The following SMOC2 variants were observed in gnomAD, a reference collection of about 807,000 sequenced individuals.
The protein encoded by SMOC2 is SPARC related modular calcium binding 2, also known as SPARC-related modular calcium-binding protein 2.
In SMOC2, 39 loss-of-function variants were observed where a neutral mutation model predicts 61.4. The ratio of observed to expected loss-of-function variants is 0.64; its 90% confidence interval spans 0.49 to 0.83. The LOEUF is 0.83. Among genes scored for constraint, SMOC2 ranks in the 40% least tolerant of loss-of-function variants. SMOC2 has a pLI of 0.00. For missense variants in SMOC2, 556 were observed against 592.9 expected, an observed-to-expected ratio of 0.94 and a Z score of 0.65; for synonymous variants, 247 against 239.9, an observed-to-expected ratio of 1.03 and a Z score of -0.27.
At chr6:168,467,497 A>T (rs1781871313) in intron 1 of SMOC2, among the ~76,000 whole-genome samples, 1 of 151,892 alleles carries the variant, frequency 6.6e-6, no homozygotes, top group Non-Finnish European at 1.5e-5. Flanking sequence ...TTTAGTAGAG[A>T]TGGGGTTTCA....
chr6:168,599,624 C>CCA (rs1178986291), intron 8 of SMOC2, among the ~76,000 whole-genome samples: 1 of 114,556 alleles, frequency 8.7e-6, no homozygotes, highest in African/African-American at 3.5e-5. Context: ...CACACTCATA[C>CCA]CACACACACC....
At chr6:168,500,286 C>CA (rs72258550) in intron 1 of SMOC2, among the ~76,000 whole-genome samples, 142 of 99,116 alleles carry the variant, frequency 1.4e-3, no homozygotes, top group Admixed American at 2.0e-3. Context: ...AACTCTGTCT[C>CA]AAAAAAAAAA....
chr6:168,534,551 C>G (rs1783690484), intron 4 of SMOC2, among the ~76,000 whole-genome samples: 2 of 152,218 alleles, frequency 1.3e-5, no homozygotes, highest in South Asian at 4.1e-4. Flanking sequence ...CTTTCCTCTG[C>G]TTCACTTTTC....
chr6:168,645,949 G>A (rs114490605), intron 9 of SMOC2, among the ~76,000 whole-genome samples: 5,119 of 152,260 alleles, frequency 0.034, 308 homozygotes, highest in African/African-American at 0.12. Flanking sequence ...TGATGATGGC[G>A]TGAATACCTG....
intron 7 of SMOC2, among the ~76,000 whole-genome samples, chr6:168,566,031 C>G (rs1359040421): frequency 1.3e-5 from 2 of 152,036 alleles, no homozygotes; most frequent in Non-Finnish European, 2.9e-5. Context: ...TAGTTATTTT[C>G]AATTGGTGAT....
chr6:168,560,600 CCT>C (rs1410887534), intron 7 of SMOC2, among the ~76,000 whole-genome samples: 3 of 41,034 alleles, frequency 7.3e-5, no homozygotes, highest in African/African-American at 4.0e-4. Context: ...ATTTTCCTGC[CCT>C]GAGACACGAG....
chr6:168,620,264 G>A (rs1286396686), intron 9 of SMOC2, among the ~76,000 whole-genome samples: 1 of 152,084 alleles, frequency 6.6e-6, no homozygotes, highest in Non-Finnish European at 1.5e-5. Flanking sequence ...TACTAAGACT[G>A]CATGGTGCCT....
chr6:168,527,525 A>T (rs889657599), intron 3 of SMOC2, 103 bp from the exon 4 acceptor site: 19 of 784,260 alleles, frequency 2.4e-5, no homozygotes. Flanking sequence ...GTATCCCAGG[A>T]CCCTGTCTGA....
chr6:168,614,488 G>T (rs1295377645), intron 9 of SMOC2, among the ~76,000 whole-genome samples: 2 of 15,858 alleles, frequency 1.3e-4, no homozygotes, highest in African/African-American at 2.7e-4. Context: ...GCCAGCACAG[G>T]GCCTCTTCAC....
chr6:168,540,138 T>C (rs948689429), intron 4 of SMOC2, among the ~76,000 whole-genome samples: 6 of 152,214 alleles, frequency 3.9e-5, no homozygotes, highest in Admixed American at 2.6e-4. Flanking sequence ...CAAATTGGAC[T>C]AAAGTGTGTA....
At chr6:168,618,886 C>T (rs1219860038) in intron 9 of SMOC2, among the ~76,000 whole-genome samples, 1 of 152,150 alleles carries the variant, frequency 6.6e-6, no homozygotes, top group Non-Finnish European at 1.5e-5. Flanking sequence ...TCAGTCACTA[C>T]TCCACAGACT....
intron 9 of SMOC2, among the ~76,000 whole-genome samples, chr6:168,614,652 C>T (rs1228233194): frequency 1.3e-3 from 117 of 90,422 alleles, no homozygotes; most frequent in East Asian, 2.0e-3. Flanking sequence ...CACCTACAGC[C>T]AGCACAGGGC....
At chr6:168,445,143 T>C (rs536189405) in intron 1 of SMOC2, among the ~76,000 whole-genome samples, 92 of 152,308 alleles carry the variant, frequency 6.0e-4, no homozygotes, top group African/African-American at 2.2e-3. Flanking sequence ...ACTAAGCAGA[T>C]CCGAATATTT....
intron 11 of SMOC2, chr6:168,655,265 A>G (rs1006800800): frequency 5.1e-6 from 2 of 388,502 alleles, no homozygotes; most frequent in South Asian, 3.7e-5. Flanking sequence ...CTGAGCTCCA[A>G]CTAAACGTTA....
chr6:168,582,225 G>A (rs1442805031), intron 7 of SMOC2, among the ~76,000 whole-genome samples: 2 of 152,194 alleles, frequency 1.3e-5, no homozygotes, highest in African/African-American at 4.8e-5. Flanking sequence ...TGAATCCATG[G>A]TTATTGTTGA....
At chr6:168,444,457 T>G (rs1007486891) in intron 1 of SMOC2, among the ~76,000 whole-genome samples, 1 of 152,216 alleles carries the variant, frequency 6.6e-6, no homozygotes, top group Non-Finnish European at 1.5e-5. Context: ...ATCTCTCTTC[T>G]TTCCACCAAA....
intron 9 of SMOC2, among the ~76,000 whole-genome samples, chr6:168,613,450 A>T (rs73238883): frequency 6.6e-6 from 1 of 152,036 alleles, no homozygotes; most frequent in Non-Finnish European, 1.5e-5. Context: ...CCTCTCCTGG[A>T]TCCCCAGAGC....
At chr6:168,550,887 C>A (rs1784116010) in intron 7 of SMOC2, among the ~76,000 whole-genome samples, 1 of 152,100 alleles carries the variant, frequency 6.6e-6, no homozygotes, top group Admixed American at 6.5e-5. Context: ...TGATTTATTT[C>A]TGTTTCATAC....
intron 7 of SMOC2, among the ~76,000 whole-genome samples, chr6:168,564,224 A>T (rs1784491320): frequency 6.6e-6 from 1 of 151,882 alleles, no homozygotes. Context: ...CAGATTTATG[A>T]TTCACACGTA....
Sources: gnomAD v4.1 joint callset for allele counts (sites outside exome capture counted in the v4.1 genomes callset) on GRCh38, gnomAD v4.1.1 for gene constraint, MANE v1.5 for transcripts, NCBI Gene and HGNC (gene_info 2026-07-23, HGNC 2026-07-21) for gene names.